The following MAP2K5 variants were observed in gnomAD, a reference collection of about 807,000 sequenced individuals.
MAP2K5 encodes the protein dual specificity mitogen-activated protein kinase kinase 5.
Under a neutral mutation model 83.1 loss-of-function variants are expected in MAP2K5, and 49 were observed. That is an observed-to-expected ratio of 0.59 (90% CI 0.47 to 0.75). MAP2K5 has a LOEUF of 0.75. Among genes scored for constraint, MAP2K5 ranks in the 30% least tolerant of loss-of-function variants. The probability of loss-of-function intolerance (pLI) is 0.00; values close to 1 mark genes in which losing one functional copy is unlikely to be tolerated. For missense variants in MAP2K5, 457 were observed against 557.5 expected, an observed-to-expected ratio of 0.82 and a Z score of 1.82; for synonymous variants, 202 against 191.8, an observed-to-expected ratio of 1.05 and a Z score of -0.44.
At chr15:67,666,026 A>G (rs1268024775) in intron 13 of MAP2K5, among the ~76,000 whole-genome samples, 1 of 152,168 alleles carries the variant, frequency 6.6e-6, no homozygotes. Context: ...TCAAAATTTT[A>G]TTGATTCTTT....
chr15:67,646,553 A>G, intron 11 of MAP2K5, 84 bp downstream of exon 11: 1 of 668,954 alleles, frequency 1.5e-6, no homozygotes, highest in Middle Eastern at 4.1e-4. Context: ...TAGATATCAA[A>G]TAGAATTAAA....
At chr15:67,709,917 A>ACAAATACATGT (rs1427707458) in intron 16 of MAP2K5, among the ~76,000 whole-genome samples, 2 of 152,238 alleles carry the variant, frequency 1.3e-5, no homozygotes, top group Non-Finnish European at 2.9e-5. Flanking sequence ...AGTATGCTGT[A>ACAAATACATGT]CAAATACATG....
In MAP2K5 at chr15:67,587,192, G is replaced by T. The variant is rs559095778; in HGVS notation, c.431+279G>T. 3.6e-4 allele frequency among the ~76,000 whole-genome samples: 55 copies of T among 152,274 alleles called. No homozygotes were observed. The highest frequency in any genetic ancestry group is 1.3e-3 in the African/African-American group (53 of 41,546). On this transcript the variant is annotated intron_variant, in intron 6 of 21. Transcript: ENST00000178640. The surrounding 1 kb of genome is among the most constrained non-coding windows in gnomAD (Gnocchi z 4.8). ...AGGTGAAGGCCCTGAGGTGGAGAAG[G>T]AGCTCAGCATGTTTGTGAGTAGGCC...
Position 67,717,094 on chromosome 15 carries a change from T to C in MAP2K5, c.1045-10822T>C, listed in dbSNP as rs188227562. Among the ~76,000 whole-genome samples, 48 of 152,186 alleles carry C rather than the reference T, an allele frequency of 3.2e-4. No homozygotes were observed. The highest frequency in any genetic ancestry group is 5.4e-4 in the Non-Finnish European group (37 of 68,014). On this transcript the variant is annotated intron_variant, in intron 16 of 21. Coordinates refer to ENST00000178640, the MANE Select transcript of MAP2K5 (RefSeq NM_145160.3). This position sits in a 1 kb window ranked among gnomAD's most constrained non-coding sequence, Gnocchi z 4.1. ...GCTTTAGGAAAGTAGATCAAGTAGT[T>C]TGAAAAAAGAAGAGATGAATGGTAA... is the stretch of plus-strand genomic sequence containing the variant.
chr15:67,765,142 C>T (rs974166246), intron 19 of MAP2K5, among the ~76,000 whole-genome samples: 8 of 152,130 alleles, frequency 5.3e-5, no homozygotes, highest in Admixed American at 1.3e-4. Flanking sequence ...CAGTGGATCA[C>T]GAGGTCAAGA....
chr15:67,648,442 A>G (rs1231943685), intron 11 of MAP2K5, among the ~76,000 whole-genome samples: 1 of 152,202 alleles, frequency 6.6e-6, no homozygotes, highest in African/African-American at 2.4e-5. Flanking sequence ...ATTTCGTTGT[A>G]TGGCTATACT....
At chr15:67,582,441 A>G (rs372075824) in intron 4 of MAP2K5, among the ~76,000 whole-genome samples, 9 of 152,236 alleles carry the variant, frequency 5.9e-5, no homozygotes, top group Admixed American at 2.0e-4. Context: ...AAGGAGTAGT[A>G]TTTTACAAAC....
chr15:67,803,552 C>A (rs2090743283), intron 21 of MAP2K5, among the ~76,000 whole-genome samples: 1 of 152,202 alleles, frequency 6.6e-6, no homozygotes, highest in Non-Finnish European at 1.5e-5. Flanking sequence ...AGAATAGAAA[C>A]CAGGAGACAT....
chr15:67,593,499 A>G (rs12911434), intron 7 of MAP2K5, among the ~76,000 whole-genome samples: 151,232 of 152,340 alleles, frequency 0.99, 75,074 homozygotes, highest in Middle Eastern at 1. Flanking sequence ...AGGGACAAAC[A>G]AGCCTTCAGG....
In MAP2K5 at chr15:67,563,232, T is replaced by C. The variant is rs769429769; in HGVS notation, c.185-51T>C. The C allele has an allele frequency of 1.3e-6, 2 of 1,585,636 alleles. No individual in the cohort carries two copies. Among genetic ancestry groups the C allele is most frequent in the Non-Finnish European group, 1.7e-6 (2 of 1,169,234 alleles). ...AACCGTTTATATTATGTTCCCTTTG[T>C]GCATTAAACAAATGCACACCTTATC... On this transcript the variant is annotated intron_variant, in intron 2 of 21. Coordinates refer to ENST00000178640, the MANE Select transcript of MAP2K5 (RefSeq NM_145160.3). This position sits in a 1 kb window ranked among gnomAD's most constrained non-coding sequence, Gnocchi z 4.5.
At chr15:67,806,565 G>C in intron 21 of MAP2K5, 81 bp from the exon 22 acceptor site, 2 of 1,248,374 alleles carry the variant, frequency 1.6e-6, no homozygotes, top group Non-Finnish European at 2.2e-6. Context: ...ATCAGATCCA[G>C]GCTGAGGGCA....
chr15:67,610,994 G>A (rs1468133755), intron 8 of MAP2K5, among the ~76,000 whole-genome samples: 7 of 152,130 alleles, frequency 4.6e-5, no homozygotes, highest in Non-Finnish European at 1.0e-4. Flanking sequence ...CACAAAATTA[G>A]AACTTGCTTT....
chr15:67,655,629 CT>C (rs1219232934), intron 11 of MAP2K5, among the ~76,000 whole-genome samples: 2 of 152,176 alleles, frequency 1.3e-5, no homozygotes, highest in South Asian at 2.1e-4. Flanking sequence ...TCTCTTGCTG[CT>C]TTCAAGATTT....
intron 3 of MAP2K5, among the ~76,000 whole-genome samples, chr15:67,574,634 C>T (rs1012867874): frequency 1.4e-4 from 21 of 148,296 alleles, no homozygotes; most frequent in African/African-American, 3.0e-4. Flanking sequence ...TTTGGGAGGC[C>T]GAGGTGGGCG....
In MAP2K5 at chr15:67,698,947, T is replaced by G. The variant is rs759489154; in HGVS notation, c.973-4390T>G. On this transcript the variant is annotated intron_variant, in intron 15 of 21. Transcript: ENST00000178640. The surrounding 1 kb of genome is among the most constrained non-coding windows in gnomAD (Gnocchi z 4.5). ...CAGGAGGTATACGTATTACTACTAT[T>G]ATTTATTATTACTCTCTTCATTTTA... Among the ~76,000 whole-genome samples, 30 of 152,204 alleles carry G rather than the reference T, an allele frequency of 2.0e-4. No homozygotes were observed. The highest frequency in any genetic ancestry group is 6.5e-4 in the Admixed American group (10 of 15,282).
intron 7 of MAP2K5, among the ~76,000 whole-genome samples, chr15:67,596,764 G>A (rs151023812): frequency 1.3e-5 from 2 of 152,312 alleles, no homozygotes; most frequent in Non-Finnish European, 2.9e-5. Flanking sequence ...TATCTTGGCA[G>A]TTGACATGTA....
chr15:67,649,477 C>T (rs1378801729), intron 11 of MAP2K5, among the ~76,000 whole-genome samples: 3 of 151,960 alleles, frequency 2.0e-5, no homozygotes, highest in Admixed American at 6.6e-5. Context: ...TATATTTAAG[C>T]CTTTGATTTA....
intron 9 of MAP2K5, chr15:67,642,455 T>G (rs760038604): frequency 1.2e-6 from 2 of 1,611,176 alleles, no homozygotes; most frequent in Non-Finnish European, 1.7e-6. Context: ...ATGTACATAT[T>G]GAGGGCCAGA....
intron 13 of MAP2K5, among the ~76,000 whole-genome samples, chr15:67,681,291 A>T (rs1021000480): frequency 6.6e-6 from 1 of 152,236 alleles, no homozygotes; most frequent in South Asian, 2.1e-4. Flanking sequence ...AGAATTCAGG[A>T]TTGTTATGAG....
Sources: allele counts gnomAD v4.1 joint callset (sites outside exome capture counted in the v4.1 genomes callset), GRCh38; gene constraint gnomAD v4.1.1; non-coding constraint Gnocchi (gnomAD v3.1); transcripts MANE v1.5; gene names NCBI Gene and HGNC (gene_info 2026-07-23, HGNC 2026-07-21).